Variants in AKT3 observed in about 807,000 individuals in gnomAD.
The protein encoded by AKT3 is AKT serine/threonine kinase 3.
AKT3 carries 15 observed loss-of-function variants against 65.3 expected under a neutral mutation model. The observed-to-expected ratio is 0.23, with a 90% CI of 0.15 to 0.35. The LOEUF (loss-of-function observed/expected upper bound fraction) is 0.35, where lower values mean the gene tolerates loss of function less well. AKT3 is among the 10% of genes least tolerant of loss of function. The probability of loss-of-function intolerance (pLI) is 1.00; values close to 1 mark genes in which losing one functional copy is unlikely to be tolerated. For missense variants in AKT3, 243 were observed against 576.5 expected (o/e 0.42, Z 5.92); for synonymous variants, 206 against 183.8 (o/e 1.12, Z -0.98).
At chr1:243,723,579 A>T (rs561961768) in intron 2 of AKT3, among the ~76,000 whole-genome samples, 1 of 152,290 alleles carries the variant, frequency 6.6e-6, no homozygotes, top group South Asian at 2.1e-4. Context: ...CACAACTAGA[A>T]AGTACAATCC....
At chr1:243,601,070 T>C (rs924628042) in intron 8 of AKT3, among the ~76,000 whole-genome samples, 2 of 152,122 alleles carry the variant, frequency 1.3e-5, no homozygotes, top group Non-Finnish European at 2.9e-5. Flanking sequence ...ATTGATTAAT[T>C]TTACTGAATG....
chr1:243,722,364 A>C (rs1351036328), intron 2 of AKT3, among the ~76,000 whole-genome samples: 1 of 152,204 alleles, frequency 6.6e-6, no homozygotes, highest in Admixed American at 6.5e-5. Context: ...AGTTCCATCA[A>C]AGCAGCTCCA....
At chr1:243,720,429 TAAA>T (rs66716743) in intron 2 of AKT3, among the ~76,000 whole-genome samples, 11 of 96,014 alleles carry the variant, frequency 1.1e-4, no homozygotes, top group Admixed American at 4.8e-4. Context: ...AAAGACATAG[TAAA>T]AAAAAAAAAA....
intron 2 of AKT3, among the ~76,000 whole-genome samples, chr1:243,700,813 T>G (rs986799125): frequency 5.9e-5 from 9 of 152,164 alleles, no homozygotes; most frequent in Admixed American, 5.9e-4. Flanking sequence ...GGCTTAGTCT[T>G]TAATAACAAC....
intron 2 of AKT3, among the ~76,000 whole-genome samples, chr1:243,720,867 T>C (rs1486963574): frequency 3.3e-5 from 5 of 152,212 alleles, no homozygotes; most frequent in African/African-American, 1.2e-4. Flanking sequence ...AGCATTCTTT[T>C]AAAGTACTTG....
chr1:243,692,995 G>A (rs985443773), intron 3 of AKT3, among the ~76,000 whole-genome samples: 3 of 151,546 alleles, frequency 2.0e-5, no homozygotes, highest in Non-Finnish European at 4.4e-5. Flanking sequence ...AGTGGGATAC[G>A]AAGTGGAAAC....
At chr1:243,775,862 C>T (rs1304792802) in intron 2 of AKT3, among the ~76,000 whole-genome samples, 1 of 151,910 alleles carries the variant, frequency 6.6e-6, no homozygotes, top group Admixed American at 6.6e-5. Flanking sequence ...CTGAAAAACC[C>T]GATCTATCAA....
rs148845303 is a variant in AKT3, at chr1:243,682,932, C to G, written c.172+12659G>C. ...AAATTGTAACTGCATGTATTAATTG[C>G]AAAACTCCCTTCAAAACTTAGCCAT... On this transcript the variant is annotated intron_variant, in intron 3 of 13. Transcript: ENST00000673466. 4.6e-5 allele frequency among the ~76,000 whole-genome samples: 7 copies of G among 152,274 alleles called. No individual in the cohort carries two copies. The East Asian group carries it at 1.3e-3, about 29-fold the overall frequency.
chr1:243,826,332 C>T (rs1694166879), intron 2 of AKT3, among the ~76,000 whole-genome samples: 1 of 152,114 alleles, frequency 6.6e-6, no homozygotes, highest in African/African-American at 2.4e-5. Flanking sequence ...GTTACATTTG[C>T]CAAAACTTTT....
intron 2 of AKT3, among the ~76,000 whole-genome samples, chr1:243,717,280 C>A (rs895249278): frequency 1.3e-5 from 2 of 152,074 alleles, no homozygotes; most frequent in Admixed American, 6.6e-5. Context: ...ACTAGGTAAT[C>A]GAAATGTCTT....
At chr1:243,622,598 T>C (rs568493446) in intron 6 of AKT3, among the ~76,000 whole-genome samples, 3 of 152,168 alleles carry the variant, frequency 2.0e-5, no homozygotes, top group Non-Finnish European at 2.9e-5. Context: ...AATGAGTGAA[T>C]GAACTAGTAA....
intron 2 of AKT3, among the ~76,000 whole-genome samples, chr1:243,784,786 G>A (rs1182033515): frequency 6.6e-6 from 1 of 152,168 alleles, no homozygotes; most frequent in African/African-American, 2.4e-5. Flanking sequence ...GGCCTCCTGT[G>A]CTCCCCCTCC....
intron 8 of AKT3, among the ~76,000 whole-genome samples, chr1:243,580,452 T>A (rs538591267): frequency 1.1e-4 from 16 of 152,184 alleles, no homozygotes; most frequent in Non-Finnish European, 2.2e-4. Context: ...ATGTTTTAAA[T>A]TTGGGCACAT....
chr1:243,750,979 T>C (rs897848447), intron 2 of AKT3, among the ~76,000 whole-genome samples: 1 of 152,194 alleles, frequency 6.6e-6, no homozygotes, highest in African/African-American at 2.4e-5. Flanking sequence ...GTACTGATAC[T>C]ATCAGTCTAT....
chr1:243,659,525 CTAAT>C (rs1682109918), intron 4 of AKT3, among the ~76,000 whole-genome samples: 1 of 151,956 alleles, frequency 6.6e-6, no homozygotes, highest in African/African-American at 2.4e-5. Flanking sequence ...TATAGTTTCT[CTAAT>C]TAAGGCCATG....
intron 12 of AKT3, among the ~76,000 whole-genome samples, chr1:243,535,410 A>C (rs1334803944): frequency 2.0e-5 from 3 of 151,936 alleles, no homozygotes; most frequent in Non-Finnish European, 4.4e-5. Context: ...TGTCCACTCT[A>C]CTACTCTGTA....
intron 2 of AKT3, among the ~76,000 whole-genome samples, chr1:243,761,357 C>T (rs1224995183): frequency 2.6e-5 from 4 of 152,036 alleles, no homozygotes; most frequent in Non-Finnish European, 5.9e-5. Flanking sequence ...ATAATTTAGA[C>T]AGAGGAATGC....
At chr1:243,802,643 T>A (rs1278764159) in intron 2 of AKT3, among the ~76,000 whole-genome samples, 1 of 152,164 alleles carries the variant, frequency 6.6e-6, no homozygotes, top group African/African-American at 2.4e-5. Flanking sequence ...GTAACCCAAA[T>A]TACTCTATTA....
chr1:243,524,206 G>A (rs1670903238), intron 12 of AKT3, among the ~76,000 whole-genome samples: 1 of 152,236 alleles, frequency 6.6e-6, no homozygotes, highest in South Asian at 2.1e-4. Context: ...TGTGTTGACT[G>A]AAGCATCATT....
Sources: allele counts gnomAD v4.1 joint callset (sites outside exome capture counted in the v4.1 genomes callset), GRCh38; gene constraint gnomAD v4.1.1; transcripts MANE v1.5; gene names NCBI Gene and HGNC (gene_info 2026-07-23, HGNC 2026-07-21).